BCL11B: variants seen among roughly 807,000 people sequenced by gnomAD.
BCL11B encodes the protein B-cell lymphoma/leukemia 11B.
BCL11B carries 8 observed loss-of-function variants against 49.9 expected under a neutral mutation model. The ratio of observed to expected loss-of-function variants is 0.16; its 90% CI spans 0.09 to 0.29. The LOEUF (loss-of-function observed/expected upper bound fraction) is 0.29, where lower values mean the gene tolerates loss of function less well. BCL11B is among the 10% of genes least tolerant of loss of function. BCL11B has a pLI of 1.00. For missense variants in BCL11B, 1,006 were observed against 1,351.0 expected (o/e 0.74, Z 4.00); for synonymous variants, 739 against 637.4 (o/e 1.16, Z -2.40).
chr14:99,206,604 T>C (rs1271476903), intron 3 of BCL11B, among the ~76,000 whole-genome samples: 1 of 152,160 alleles, frequency 6.6e-6, no homozygotes, highest in Non-Finnish European at 1.5e-5. Flanking sequence ...GCAACTGTGG[T>C]AGTATCGCAG....
Position 99,175,109 on chromosome 14 carries a change from A to G in BCL11B, c.1727T>C (p.Val576Ala). 6.3e-7 allele frequency: 1 copy of G among 1,589,992 alleles called. No homozygotes were observed. Among genetic ancestry groups the G allele is most frequent in the Non-Finnish European group, 8.5e-7 (1 of 1,170,128 alleles). The change falls in exon 4 of 4, where the codon GTC becomes GCC. Residue 576 changes from valine (V) to alanine (A), a missense_variant. This residue lies in a region of BCL11B where 443 missense variants were observed against 499.7 expected (regional missense o/e 0.89). Transcript: ENST00000357195. ...RENGGGGVPG[V>A]PGAGGGAAKA... ...GGCCGCGCCGCCCCCCGCGCCCGGG[A>G]CCCCGGGCACCCCACCACCGCCGTT...
chr14:99,243,721 C>G (rs1888737495), intron 2 of BCL11B, among the ~76,000 whole-genome samples: 1 of 152,176 alleles, frequency 6.6e-6, no homozygotes, highest in South Asian at 2.1e-4. Flanking sequence ...ACTCAGGTGC[C>G]ACTCTGGAAG....
intron 2 of BCL11B, among the ~76,000 whole-genome samples, chr14:99,233,744 G>A (rs1296222827): frequency 2.0e-5 from 3 of 152,192 alleles, no homozygotes; most frequent in Non-Finnish European, 2.9e-5. Flanking sequence ...CTGTAAAGGC[G>A]ATGTCACACA....
chr14:99,175,097 C>A lies in BCL11B; in HGVS notation c.1739G>T (p.Gly580Val). 2 of 1,599,392 alleles carry A rather than the reference C, an allele frequency of 1.3e-6. No homozygotes were observed. The highest frequency in any genetic ancestry group is 3.3e-5 in the Admixed American group (2 of 59,706). The change falls in exon 4 of 4, where the codon GGG (glycine) becomes GTG (valine). Residue 580 changes from glycine to valine, a missense_variant. Transcript: ENST00000357195. ...GGGVPGVPGA[G>V]GGAAKALADE... ...AGCCAGCGCCTTGGCCGCGCCGCCC[C>A]CCGCGCCCGGGACCCCGGGCACCCC...
intron 2 of BCL11B, among the ~76,000 whole-genome samples, chr14:99,237,383 T>A (rs1888534641): frequency 1.3e-5 from 2 of 152,036 alleles, no homozygotes; most frequent in South Asian, 2.1e-4. Flanking sequence ...AACACGCAGG[T>A]TACCATGAAA....
chr14:99,185,699 C>T (rs1886833093), intron 3 of BCL11B, among the ~76,000 whole-genome samples: 1 of 152,060 alleles, frequency 6.6e-6, no homozygotes, highest in Non-Finnish European at 1.5e-5. Context: ...GGTCTCCATC[C>T]AGTGCAGGCC....
Position 99,171,171 on chromosome 14 carries a change from G to A in BCL11B, c.*2980C>T, listed in dbSNP as rs188305426. ...ACCAAGGAGCCTTGATGCAAGGTTC[G>A]GGGCGTTCAGAGAGAAGCCCAACAC... On this transcript the variant is annotated 3_prime_UTR_variant, in exon 4 of 4. Coordinates refer to ENST00000357195, the MANE Select transcript of BCL11B (RefSeq NM_138576.4). 271 of 228,332 alleles carry A rather than the reference G, an allele frequency of 1.2e-3. 1 individual carries two copies. The highest frequency in any genetic ancestry group is 5.6e-3 in the African/African-American group (253 of 45,090). 14.1% of individuals were successfully genotyped at this position (228,332 alleles called of 1,614,324 possible).
chr14:99,223,461 C>T (rs1888069971), intron 3 of BCL11B, among the ~76,000 whole-genome samples: 1 of 152,174 alleles, frequency 6.6e-6, no homozygotes, highest in South Asian at 2.1e-4. Flanking sequence ...ACAGAGAACA[C>T]AAATTCTCTG....
chr14:99,187,726 T>G (rs1719466230), intron 3 of BCL11B, among the ~76,000 whole-genome samples: 2 of 150,958 alleles, frequency 1.3e-5, no homozygotes. Context: ...GTGTAGCTGT[T>G]TCTCACTCAC....
In BCL11B at chr14:99,257,384, C is replaced by T; in HGVS notation, c.427+87G>A. 5 of 1,487,412 alleles carry T rather than the reference C, an allele frequency of 3.4e-6. No individual in the cohort carries two copies. In the South Asian group the frequency reaches 6.9e-5, roughly 21 times the overall value. 92.1% of individuals were successfully genotyped at this position (1,487,412 alleles called of 1,614,324 possible). On this transcript the variant is annotated intron_variant, in intron 2 of 3. Coordinates refer to ENST00000357195, the MANE Select transcript of BCL11B (RefSeq NM_138576.4). The surrounding 1 kb of genome is among the most constrained non-coding windows in gnomAD (Gnocchi z 6.2). Reference sequence around the variant, plus strand: ...GAGGCCATCCTGGAAGCCCCTGGGCCTTCCCCTGCACCAGCACACTCAGGC... The same window carrying T: ...GAGGCCATCCTGGAAGCCCCTGGGCTTTCCCCTGCACCAGCACACTCAGGC...
At chr14:99,209,570 C>G (rs1298996500) in intron 3 of BCL11B, among the ~76,000 whole-genome samples, 23 of 152,162 alleles carry the variant, frequency 1.5e-4, no homozygotes, top group Non-Finnish European at 2.9e-5. Flanking sequence ...CAGCAAGGTG[C>G]CACAGGGATG....
In BCL11B at chr14:99,222,055, T is replaced by A. The variant is rs185579185; in HGVS notation, c.640+9290A>T. Among the ~76,000 whole-genome samples, 247 of 152,310 alleles carry A rather than the reference T, an allele frequency of 1.6e-3. 1 individual carries two copies. The highest frequency in any genetic ancestry group is 5.6e-3 in the African/African-American group (234 of 41,572). ...TTTGGGTAAAAGTGGCCAGCCTTGA[T>A]TATGTTTGAATAAACTGTATCTCAT... On this transcript the variant is annotated intron_variant, in intron 3 of 3. Coordinates refer to ENST00000357195, the MANE Select transcript of BCL11B (RefSeq NM_138576.4).
At chr14:99,201,591 CT>C (rs1887385293) in intron 3 of BCL11B, among the ~76,000 whole-genome samples, 1 of 152,192 alleles carries the variant, frequency 6.6e-6, no homozygotes, top group African/African-American at 2.4e-5. Context: ...TGTGTTCACC[CT>C]GTTCTGCCCC....
chr14:99,225,113 G>A (rs1237673314), intron 3 of BCL11B, among the ~76,000 whole-genome samples: 1 of 152,196 alleles, frequency 6.6e-6, no homozygotes, highest in African/African-American at 2.4e-5. Context: ...TGGTCAGGCA[G>A]AAATCAATCT....
chr14:99,257,452 C>A lies in BCL11B; in HGVS notation c.427+19G>T, dbSNP rs1216231179. 3.8e-6 allele frequency: 6 copies of A among 1,565,832 alleles called. No individual in the cohort carries two copies. In the Admixed American group the frequency reaches 1.0e-4, roughly 27 times the overall value. On this transcript the variant is annotated intron_variant, in intron 2 of 3. Coordinates refer to ENST00000357195, the MANE Select transcript of BCL11B (RefSeq NM_138576.4). The surrounding 1 kb of genome is among the most constrained non-coding windows in gnomAD (Gnocchi z 6.2). ...GGAGGTGGCTTCCACAGCAACCAGG[C>A]AAGCGCAGCATCCCATACCTGCAAT... is the stretch of plus-strand genomic sequence containing the variant.
At chr14:99,202,700 C>T (rs1408629266) in intron 3 of BCL11B, among the ~76,000 whole-genome samples, 9 of 152,136 alleles carry the variant, frequency 5.9e-5, no homozygotes, top group African/African-American at 2.2e-4. Context: ...TAACAGTCCT[C>T]CTGGCTACAG....
chr14:99,230,775 G>A (rs776484114), intron 3 of BCL11B, among the ~76,000 whole-genome samples: 4 of 145,708 alleles, frequency 2.7e-5, no homozygotes, highest in South Asian at 2.2e-4. Flanking sequence ...CTCAGCCCCC[G>A]CCCCCACCCC....
rs764416110 is a variant in BCL11B at position 99,231,421 on chromosome 14, C to T, written c.564G>A (p.Ala188=). The T allele has an allele frequency of 4.4e-6, 7 of 1,596,116 alleles. No individual in the cohort carries two copies. The highest frequency in any genetic ancestry group is 6.0e-6 in the Non-Finnish European group (7 of 1,170,994). ...GAGTCCCGTCACCCGAGACCGGGCGCGCGCTGCAGCACGGCAGGGGGAGGC... is the reference window on the plus strand; with the variant it reads ...GAGTCCCGTCACCCGAGACCGGGCGTGCGCTGCAGCACGGCAGGGGGAGGC... ...PPCLPLPCCS[A]RPVSGDGTQG... is the part of the protein sequence containing the mutation. Residue 188 remains alanine (A), a synonymous_variant, in exon 3 of 4, where the codon GCG becomes GCA. Coordinates refer to ENST00000357195, the MANE Select transcript of BCL11B (RefSeq NM_138576.4). The surrounding 1 kb of genome is among the most constrained non-coding windows in gnomAD (Gnocchi z 8.1).
chr14:99,229,119 A>ATGG (rs373786262), intron 3 of BCL11B, among the ~76,000 whole-genome samples: 12 of 137,922 alleles, frequency 8.7e-5, no homozygotes, highest in African/African-American at 2.5e-4. Flanking sequence ...TACAGGGATG[A>ATGG]ATGGATGGAT....
Sources: gnomAD v4.1 joint callset for allele counts (sites outside exome capture counted in the v4.1 genomes callset) on GRCh38, gnomAD v4.1.1 for gene constraint, gnomAD v4.1.1 regional missense constraint, Gnocchi (gnomAD v3.1) non-coding constraint, MANE v1.5 for transcripts, NCBI Gene and HGNC (gene_info 2026-07-23, HGNC 2026-07-21) for gene names.